Variants in SDC3 observed in about 807,000 individuals in gnomAD.
The protein encoded by SDC3 is syndecan-3.
In SDC3, 13 loss-of-function variants were observed where a neutral mutation model predicts 24.4. The observed-to-expected ratio is 0.53, with a 90% CI of 0.35 to 0.85. The LOEUF (loss-of-function observed/expected upper bound fraction) is 0.85. Among genes scored for constraint, SDC3 ranks in the 40% least tolerant of loss-of-function variants. The pLI, the probability that SDC3 is intolerant of heterozygous loss-of-function variation, is 0.01. For synonymous variants in SDC3, 295 were observed against 260.9 expected, an observed-to-expected ratio of 1.13 and a Z score of -1.26; for missense variants, 571 against 584.5, an observed-to-expected ratio of 0.98 and a Z score of 0.24.
Position 30,908,542 on chromosome 1 carries a change from G to A in SDC3, c.45C>T (p.Ala15=), listed in dbSNP as rs1638580827. The stretch of plus-strand genomic sequence containing the variant: ...CGGCCGCGGCCCCGGCCCCGGCGCC[G>A]GCCCCGTGGGCGGCCCCGGCACGGT... ...PPHRAGAAHG[A]GAGAGAAAGP... The change falls in exon 1 of 5, where the codon GCC becomes GCT. Residue 15 remains alanine, a synonymous_variant. Coordinates refer to ENST00000339394, the MANE Select transcript of SDC3 (RefSeq NM_014654.4). 1 of 967,770 alleles carries A rather than the reference G, an allele frequency of 1.0e-6. No individual in the cohort carries two copies. Among genetic ancestry groups the A allele is most frequent in the East Asian group, 1.2e-4 (1 of 8,372 alleles). The allele number at this position is 967,770 out of a possible 1,614,324, so 59.9% of individuals were successfully genotyped here. A position where few individuals can be genotyped will look rare whatever the true frequency, so the allele number is the denominator to read the frequency against.
In SDC3 at chr1:30,888,111, T is replaced by G. The variant is rs547609685; in HGVS notation, c.139-9371A>C. Among the ~76,000 whole-genome samples the G allele has an allele frequency of 1.1e-3, 174 of 152,382 alleles. 1 individual carries two copies. Among genetic ancestry groups the G allele is most frequent in the Middle Eastern group, 6.8e-3 (2 of 294 alleles). The stretch of plus-strand genomic sequence containing the variant: ...AGGACTGGAAGAAAGCAGCCTTCAC[T>G]GAGCACACACTAAGCACTGGACTCT... On this transcript the variant is annotated intron_variant, in intron 1 of 4. Coordinates refer to ENST00000339394, the MANE Select transcript of SDC3 (RefSeq NM_014654.4).
intron 1 of SDC3, among the ~76,000 whole-genome samples, chr1:30,901,460 G>T (rs763207239): frequency 1.3e-5 from 2 of 152,304 alleles, no homozygotes; most frequent in South Asian, 2.1e-4. Flanking sequence ...AAATAACAAG[G>T]CCTCTCTGGA....
intron 1 of SDC3, among the ~76,000 whole-genome samples, chr1:30,901,862 C>G (rs1316104123): frequency 6.6e-6 from 1 of 152,168 alleles, no homozygotes; most frequent in African/African-American, 2.4e-5. Context: ...TACTTTAGTA[C>G]TTTATTTACT....
chr1:30,894,680 G>A (rs1639975063), intron 1 of SDC3, among the ~76,000 whole-genome samples: 1 of 75,500 alleles, frequency 1.3e-5, no homozygotes, highest in Admixed American at 1.5e-4. Context: ...GTGGATGACT[G>A]TGAGTGTGTG....
intron 1 of SDC3, among the ~76,000 whole-genome samples, chr1:30,884,025 C>A (rs1639783957): frequency 1.3e-5 from 2 of 152,110 alleles, no homozygotes. Flanking sequence ...CTCCGGGCAG[C>A]AAGACAGCCA....
At position 30,908,486 on chromosome 1, in the gene SDC3, G is replaced by T; in HGVS notation, c.101C>A (p.Pro34Gln). 2.0e-6 allele frequency: 2 copies of T among 1,018,084 alleles called. No homozygotes were observed. The highest frequency in any genetic ancestry group is 3.5e-5 in the South Asian group (1 of 28,492). 63.1% of individuals were successfully genotyped at this position (1,018,084 alleles called of 1,614,324 possible). A position where few individuals can be genotyped will look rare whatever the true frequency, so the allele number is the denominator to read the frequency against. ...CCCCGCCAGCAGCAGCAGCAGCAGC[G>T]GTGGCAGGAGCAGCCCGCGGGCCCC... Reference protein sequence around the residue: ...GPGARGLLLPPLLLLLLAGRA... With the variant: ...GPGARGLLLPQLLLLLLAGRA... Residue 34 changes from proline (P) to glutamine (Q), a missense_variant, in exon 1 of 5, where the codon CCG becomes CAG. Physicochemically the swap from Pro to Gln is moderately conservative, Grantham distance 76. Around this residue, in one of 2 missense-constraint regions of SDC3, gnomAD observed 497 missense variants for 471.6 expected, o/e 1.05. Coordinates refer to ENST00000339394, the MANE Select transcript of SDC3 (RefSeq NM_014654.4).
chr1:30,897,653 T>C (rs1456261638), intron 1 of SDC3, among the ~76,000 whole-genome samples: 1 of 151,934 alleles, frequency 6.6e-6, no homozygotes, highest in Non-Finnish European at 1.5e-5. Context: ...CAGTTAGAAA[T>C]GTACACGGCA....
At position 30,907,738 on chromosome 1, in the gene SDC3, G is replaced by A. The variant is rs56053551; in HGVS notation, c.138+711C>T. ...CACAGGTCCCCGCACCCCTCACTGA[G>A]TTGGCCACACACGCCCACACACGCC... is the stretch of plus-strand genomic sequence containing the variant. On this transcript the variant is annotated intron_variant, in intron 1 of 4. Transcript: ENST00000339394. Among the ~76,000 whole-genome samples the A allele has an allele frequency of 2.0e-3, 297 of 151,932 alleles. 2 individuals carry two copies. The highest frequency in any genetic ancestry group is 3.2e-3 in the Non-Finnish European group (219 of 67,918).
intron 1 of SDC3, among the ~76,000 whole-genome samples, chr1:30,884,249 G>T (rs1308837756): frequency 6.6e-6 from 1 of 151,848 alleles, no homozygotes; most frequent in South Asian, 2.1e-4. Flanking sequence ...GGGGAGGGCA[G>T]AGAAGGCCAA....
chr1:30,898,896 T>C (rs1411234931), intron 1 of SDC3, among the ~76,000 whole-genome samples: 1 of 152,238 alleles, frequency 6.6e-6, no homozygotes, highest in Non-Finnish European at 1.5e-5. Flanking sequence ...AATTCACCTC[T>C]GAGACACAAC....
In SDC3 at chr1:30,873,017, G is replaced by A; in HGVS notation, c.*194C>T. Reference sequence around the variant, plus strand: ...GATGAGCTCGTAAGGGCACAGTCTGGGGCAGATGGCAGCAGCCCCTCTTCC... The same window carrying A: ...GATGAGCTCGTAAGGGCACAGTCTGAGGCAGATGGCAGCAGCCCCTCTTCC... On this transcript the variant is annotated 3_prime_UTR_variant, in exon 5 of 5. Coordinates refer to ENST00000339394, the MANE Select transcript of SDC3 (RefSeq NM_014654.4). The A allele has an allele frequency of 1.6e-6, 1 of 606,344 alleles. No individual in the cohort carries two copies. Among genetic ancestry groups the A allele is most frequent in the African/African-American group, 1.8e-5 (1 of 54,158 alleles). The allele number at this position is 606,344 out of a possible 1,614,324, so 37.6% of individuals were successfully genotyped here.
At position 30,874,958 on chromosome 1, in the gene SDC3, G is replaced by A. The variant is rs537528386; in HGVS notation, c.871-370C>T. ...TAACAATCCTTGGGGGATTCCTGCCGAGAAGCTGTTTGGGAACTGCTGGGT... is the reference window on the plus strand; with the variant it reads ...TAACAATCCTTGGGGGATTCCTGCCAAGAAGCTGTTTGGGAACTGCTGGGT... On this transcript the variant is annotated intron_variant, in intron 3 of 4. Transcript: ENST00000339394. 1.7e-4 allele frequency among the ~76,000 whole-genome samples: 26 copies of A among 152,302 alleles called. No individual in the cohort carries two copies. In the East Asian group the frequency reaches 4.8e-3, roughly 28 times the overall value.
At chr1:30,891,279 C>T (rs1348006197) in intron 1 of SDC3, among the ~76,000 whole-genome samples, 2 of 152,198 alleles carry the variant, frequency 1.3e-5, no homozygotes, top group African/African-American at 4.8e-5. Flanking sequence ...AGGACAGGTG[C>T]CTCTTCAGGC....
chr1:30,873,063 G>C lies in SDC3; in HGVS notation c.*148C>G. 1.5e-6 allele frequency: 1 copy of C among 677,706 alleles called. No individual in the cohort carries two copies. The highest frequency in any genetic ancestry group is 2.5e-5 in the East Asian group (1 of 39,884). The allele number at this position is 677,706 out of a possible 1,614,324, so 42.0% of individuals were successfully genotyped here. ...CTTCCTCGGGGAAGATCTGTGTGAG[G>C]CTGGCAGCCTGGGCAGACCTTGGGA... On this transcript the variant is annotated 3_prime_UTR_variant, in exon 5 of 5. Transcript: ENST00000339394.
At chr1:30,906,885 G>C (rs114318782) in intron 1 of SDC3, among the ~76,000 whole-genome samples, 6 of 152,282 alleles carry the variant, frequency 3.9e-5, no homozygotes, top group African/African-American at 1.4e-4. Flanking sequence ...CCCTCCCAGG[G>C]ACCTCTTCCT....
At chr1:30,875,052 G>A (rs1639614384) in intron 3 of SDC3, among the ~76,000 whole-genome samples, 1 of 152,192 alleles carries the variant, frequency 6.6e-6, no homozygotes, top group Non-Finnish European at 1.5e-5. Context: ...GTAGCCTGGA[G>A]GCCAGTCCAA....
chr1:30,902,757 C>A (rs1638440922), intron 1 of SDC3, among the ~76,000 whole-genome samples: 1 of 152,188 alleles, frequency 6.6e-6, no homozygotes, highest in African/African-American at 2.4e-5. Flanking sequence ...AGTGCCTTGG[C>A]ACTCAGACTG....
At chr1:30,907,036 G>A (rs1172563946) in intron 1 of SDC3, among the ~76,000 whole-genome samples, 1 of 152,306 alleles carries the variant, frequency 6.6e-6, no homozygotes, top group East Asian at 1.9e-4. Context: ...GTCCATCCAA[G>A]AAGCAAGCTT....
Position 30,874,415 on chromosome 1 carries a change from C to T in SDC3, c.1044G>A (p.Gly348=). 6.2e-7 allele frequency: 1 copy of T among 1,614,190 alleles called. No individual in the cohort carries two copies. Among genetic ancestry groups the T allele is most frequent in the Non-Finnish European group, 8.5e-7 (1 of 1,180,024 alleles). Residue 348 remains glycine, a synonymous_variant, in exon 4 of 5, where the codon GGG becomes GGA. Coordinates refer to ENST00000339394, the MANE Select transcript of SDC3 (RefSeq NM_014654.4). ...GAAAKASSPP[G]TLPKGARPGP... Reference sequence around the variant, plus strand: ...CCGGGCGGGCACCCTTGGGCAGTGTCCCAGGTGGAGATGATGCCTTGGCCG... The same window carrying T: ...CCGGGCGGGCACCCTTGGGCAGTGTTCCAGGTGGAGATGATGCCTTGGCCG...
Sources: allele counts gnomAD v4.1 joint callset (sites outside exome capture counted in the v4.1 genomes callset), GRCh38; gene constraint gnomAD v4.1.1; regional missense constraint gnomAD v4.1.1; transcripts MANE v1.5; gene names NCBI Gene and HGNC (gene_info 2026-07-23, HGNC 2026-07-21).